CDH13: variants seen among roughly 807,000 people sequenced by gnomAD.
CDH13 encodes cadherin 13.
Under a neutral mutation model 63.8 loss-of-function variants are expected in CDH13, and 24 were observed. The ratio of observed to expected loss-of-function variants is 0.38; its 90% CI spans 0.27 to 0.53. CDH13 has a LOEUF of 0.53. Ranked by LOEUF, CDH13 falls within the 20% of genes least tolerant of loss-of-function variation. CDH13 has a pLI of 0.85. For synonymous variants in CDH13, 503 were observed against 355.3 expected, an observed-to-expected ratio of 1.42 and a Z score of -4.67; for missense variants, 1,049 against 903.1, an observed-to-expected ratio of 1.16 and a Z score of -2.07.
chr16:83,137,157 C>T (rs930539559), intron 4 of CDH13, among the ~76,000 whole-genome samples: 3 of 152,196 alleles, frequency 2.0e-5, no homozygotes, highest in African/African-American at 7.2e-5. Flanking sequence ...CCCCGGGTTG[C>T]AGCTGGTCTC....
intron 5 of CDH13, among the ~76,000 whole-genome samples, chr16:83,324,531 C>G (rs1288810316): frequency 6.6e-6 from 1 of 152,196 alleles, no homozygotes; most frequent in Non-Finnish European, 1.5e-5. Flanking sequence ...GCTTCGTTCA[C>G]TTAGCAAGAT....
rs1907952734 is a variant in CDH13 at position 83,602,554 on chromosome 16, A to T, written c.1061A>T (p.Asp354Val). ...ACGGCCACAGCCACGATCATGATCG[A>T]TGACAAAAATGATCACTCACCAAAA... ...TGTATATIMI[D>V]DKNDHSPKFT... is the part of the protein sequence containing the mutation. The change falls in exon 8 of 14, where the codon GAT (aspartate) becomes GTT (valine). Residue 354 changes from aspartate (D) to valine (V), a missense_variant. Physicochemically the swap from Asp to Val is radical, Grantham distance 152. Coordinates refer to ENST00000567109, the MANE Select transcript of CDH13 (RefSeq NM_001257.5). 6.2e-7 allele frequency: 1 copy of T among 1,613,924 alleles called. No individual in the cohort carries two copies. The highest frequency in any genetic ancestry group is 8.5e-7 in the Non-Finnish European group (1 of 1,179,886).
intron 11 of CDH13, among the ~76,000 whole-genome samples, chr16:83,758,136 G>A (rs1913666860): frequency 1.3e-5 from 2 of 151,860 alleles, no homozygotes; most frequent in South Asian, 4.1e-4. Context: ...AGATCCAGAT[G>A]GCTTTGCTAC....
At chr16:82,994,166 A>G (rs1290023705) in intron 2 of CDH13, among the ~76,000 whole-genome samples, 1 of 152,094 alleles carries the variant, frequency 6.6e-6, no homozygotes, top group Non-Finnish European at 1.5e-5. Flanking sequence ...TAATGTGCTG[A>G]TGCATGAAGA....
chr16:83,608,774 C>G (rs1033085673), intron 8 of CDH13, among the ~76,000 whole-genome samples: 1 of 150,982 alleles, frequency 6.6e-6, no homozygotes, highest in East Asian at 2.0e-4. Context: ...TCCCAAAGTG[C>G]TGGGATTAAA....
intron 11 of CDH13, chr16:83,773,024 G>T (rs570031501): frequency 6.6e-6 from 1 of 152,254 alleles, no homozygotes; most frequent in African/African-American, 2.4e-5. Flanking sequence ...TGTTTGTGGG[G>T]AGGTTGGTCC....
intron 1 of CDH13, among the ~76,000 whole-genome samples, chr16:82,799,337 A>C (rs1179351410): frequency 2.0e-5 from 3 of 152,202 alleles, no homozygotes; most frequent in Non-Finnish European, 2.9e-5. Flanking sequence ...AGAGCTTGGC[A>C]CCCAATCCCC....
intron 6 of CDH13, among the ~76,000 whole-genome samples, chr16:83,393,470 C>T (rs1438189946): frequency 1.3e-5 from 2 of 152,106 alleles, no homozygotes; most frequent in Non-Finnish European, 2.9e-5. Flanking sequence ...ATCTGCTGCC[C>T]GAGTCCAGTG....
chr16:83,261,452 C>G (rs1198059032), intron 5 of CDH13, among the ~76,000 whole-genome samples: 2 of 152,080 alleles, frequency 1.3e-5, no homozygotes, highest in Non-Finnish European at 1.5e-5. Flanking sequence ...TAGGTAAGAA[C>G]ATATTTCTGC....
At chr16:83,259,309 G>C (rs922740032) in intron 5 of CDH13, among the ~76,000 whole-genome samples, 1 of 152,192 alleles carries the variant, frequency 6.6e-6, no homozygotes, top group Admixed American at 6.5e-5. Flanking sequence ...TGAAATGGGA[G>C]AAATCTCTAA....
At chr16:83,582,136 A>T (rs1656791415) in intron 7 of CDH13, among the ~76,000 whole-genome samples, 1 of 152,178 alleles carries the variant, frequency 6.6e-6, no homozygotes, top group African/African-American at 2.4e-5. Context: ...AGGGAAAAAG[A>T]GTAGCAGGGT....
At chr16:83,252,016 A>G (rs892296330) in intron 5 of CDH13, among the ~76,000 whole-genome samples, 4 of 151,192 alleles carry the variant, frequency 2.6e-5, no homozygotes, top group Non-Finnish European at 4.4e-5. Flanking sequence ...GATGCATTGG[A>G]TTTTTAAGCT....
intron 2 of CDH13, among the ~76,000 whole-genome samples, chr16:82,870,866 G>A (rs1423383124): frequency 6.6e-6 from 1 of 152,204 alleles, no homozygotes; most frequent in Admixed American, 6.5e-5. Flanking sequence ...AATATTAGCT[G>A]TCAGAAACAG....
intron 1 of CDH13, chr16:82,823,126 G>A (rs2038081633): frequency 1.3e-5 from 2 of 152,204 alleles, no homozygotes; most frequent in Non-Finnish European, 1.5e-5. Flanking sequence ...CCAAGAGAGA[G>A]GCTGGACAAG....
At chr16:82,728,733 C>G (rs1180192851) in intron 1 of CDH13, among the ~76,000 whole-genome samples, 2 of 152,100 alleles carry the variant, frequency 1.3e-5, no homozygotes, top group Non-Finnish European at 2.9e-5. Context: ...ATGAAGTTGT[C>G]TGCATCAACT....
chr16:83,686,158 C>A (rs1420734393), intron 10 of CDH13, among the ~76,000 whole-genome samples: 1 of 152,190 alleles, frequency 6.6e-6, no homozygotes, highest in East Asian at 1.9e-4. Context: ...AACGCCGGAG[C>A]TTCCTCCGTA....
intron 6 of CDH13, among the ~76,000 whole-genome samples, chr16:83,399,129 T>C (rs548366934): frequency 1.3e-5 from 2 of 152,340 alleles, no homozygotes; most frequent in East Asian, 3.9e-4. Context: ...CAATAGATGG[T>C]TTGTTTCTGT....
At chr16:82,795,992 GT>G (rs1454777136) in intron 1 of CDH13, among the ~76,000 whole-genome samples, 1 of 127,288 alleles carries the variant, frequency 7.9e-6, no homozygotes, top group Non-Finnish European at 1.7e-5. Context: ...ATCTTCTAAT[GT>G]TTTTTCAAGA....
At chr16:83,310,650 G>A (rs1005022539) in intron 5 of CDH13, among the ~76,000 whole-genome samples, 1 of 152,136 alleles carries the variant, frequency 6.6e-6, no homozygotes, top group African/African-American at 2.4e-5. Context: ...AGTTATGTCT[G>A]CCTCTACTTC....
Sources: gnomAD v4.1 joint callset for allele counts (sites outside exome capture counted in the v4.1 genomes callset) on GRCh38, gnomAD v4.1.1 for gene constraint, MANE v1.5 for transcripts, NCBI Gene and HGNC (gene_info 2026-07-23, HGNC 2026-07-21) for gene names.